Variants in KIAA2012 observed in about 807,000 individuals in gnomAD.
KIAA2012 encodes KIAA2012.
In KIAA2012, 125 loss-of-function variants were observed where a neutral mutation model predicts 150.6. That is an observed-to-expected ratio of 0.83 (90% CI 0.72 to 0.96). The LOEUF (loss-of-function observed/expected upper bound fraction) is 0.96, where lower values mean the gene tolerates loss of function less well. Among genes scored for constraint, KIAA2012 ranks in the 40% least tolerant of loss-of-function variants. KIAA2012 has a pLI of 0.00. For synonymous variants in KIAA2012, 462 were observed against 504.7 expected (o/e 0.92, Z 1.13); for missense variants, 1,219 against 1,354.9 (o/e 0.90, Z 1.57).
intron 2 of KIAA2012, among the ~76,000 whole-genome samples, chr2:202,088,155 C>T (rs570778582): frequency 1.3e-5 from 2 of 152,196 alleles, no homozygotes; most frequent in Admixed American, 1.3e-4. Context: ...GGGACTTGAG[C>T]ATACACAGAT....
intron 10 of KIAA2012, 58 bp from the exon 11 acceptor site, chr2:202,113,278 G>T (rs1690423885): frequency 7.3e-7 from 1 of 1,371,326 alleles, no homozygotes; most frequent in Admixed American, 2.0e-5. Context: ...CCCAGGTTTG[G>T]TCTGTCTCCC....
intron 13 of KIAA2012, among the ~76,000 whole-genome samples, chr2:202,153,050 T>C (rs1366579911): frequency 6.6e-6 from 1 of 152,242 alleles, no homozygotes; most frequent in Non-Finnish European, 1.5e-5. Context: ...TAGAGGACTG[T>C]CTTCTGGAAG....
intron 22 of KIAA2012, chr2:202,202,030 G>C: frequency 3.5e-6 from 2 of 575,764 alleles, no homozygotes; most frequent in South Asian, 4.3e-5. Context: ...CGCAGTTTTT[G>C]TATTTTTAGT....
chr2:202,145,513 T>C (rs138805168), intron 13 of KIAA2012, among the ~76,000 whole-genome samples: 167 of 152,306 alleles, frequency 1.1e-3, no homozygotes, highest in Admixed American at 2.6e-3. Context: ...TCTGTATTAA[T>C]CGATGTCTTG....
At chr2:202,125,093 T>G in intron 11 of KIAA2012, 121 bp from the exon 12 acceptor site, 1 of 777,166 alleles carries the variant, frequency 1.3e-6, no homozygotes, top group Non-Finnish European at 2.1e-6. Context: ...AAAGAAACAG[T>G]TCATTGCAAA....
intron 15 of KIAA2012, among the ~76,000 whole-genome samples, chr2:202,173,127 A>G (rs1045429400): frequency 1.3e-5 from 2 of 152,238 alleles, no homozygotes; most frequent in African/African-American, 2.4e-5. Flanking sequence ...TCCCCCGGGA[A>G]GTCCCCCAGA....
chr2:202,201,453 G>A lies in KIAA2012; in HGVS notation c.3408-976G>A, dbSNP rs1692524480. The stretch of plus-strand genomic sequence containing the variant: ...CTTCCACTGAGTTACGAGGACATTG[G>A]CTGCCTGCATGACTGCAAGCTGAGC... On this transcript the variant is annotated intron_variant, in intron 22 of 23. Coordinates refer to ENST00000498697, the MANE Select transcript of KIAA2012 (RefSeq NM_001277372.4). The A allele has an allele frequency of 6.3e-6, 10 of 1,593,712 alleles. No homozygotes were observed. In the Admixed American group the frequency reaches 6.7e-5, roughly 11 times the overall value.
rs1015044998 is a variant in KIAA2012 at position 202,100,184 on chromosome 2, C to G, written c.1013-123C>G. The G allele has an allele frequency of 6.6e-6, 7 of 1,054,566 alleles. No individual in the cohort carries two copies. The Admixed American group carries it at 1.3e-4, about 19-fold the overall frequency. The allele number at this position is 1,054,566 out of a possible 1,614,324, so 65.3% of individuals were successfully genotyped here. A position where few individuals can be genotyped will look rare whatever the true frequency, so the allele number is the denominator to read the frequency against. ...TGCCTCCCCCAAAGCTAGGGCTGTC[C>G]CAGTGCCCCAGCACACTGCCTGCCT... is the stretch of plus-strand genomic sequence containing the variant. On this transcript the variant is annotated intron_variant, in intron 6 of 23. Transcript: ENST00000498697.
chr2:202,139,868 C>T (rs13419206), intron 13 of KIAA2012, among the ~76,000 whole-genome samples: 1,909 of 152,246 alleles, frequency 0.013, 35 homozygotes, highest in African/African-American at 0.042. Context: ...CCTCACATAC[C>T]CTAAACACAC....
At chr2:202,178,067 C>T (rs905140574) in intron 15 of KIAA2012, among the ~76,000 whole-genome samples, 13 of 152,076 alleles carry the variant, frequency 8.5e-5, no homozygotes, top group Non-Finnish European at 1.8e-4. Flanking sequence ...AGCATGGTGG[C>T]GTACACCTGT....
chr2:202,086,391 G>A (rs546464868), intron 2 of KIAA2012, among the ~76,000 whole-genome samples: 1 of 152,174 alleles, frequency 6.6e-6, no homozygotes, highest in African/African-American at 2.4e-5. Context: ...AAGGCCTCTC[G>A]TCTAAAGGCT....
chr2:202,096,092 C>T (rs1689875095), intron 4 of KIAA2012, among the ~76,000 whole-genome samples: 1 of 151,854 alleles, frequency 6.6e-6, no homozygotes, highest in Admixed American at 6.6e-5. Context: ...CCCCGCACCC[C>T]CCACCCAAAA....
chr2:202,097,718 T>C (rs1271046963), intron 5 of KIAA2012, 141 bp downstream of exon 5: 17 of 950,680 alleles, frequency 1.8e-5, no homozygotes, highest in Non-Finnish European at 2.6e-5. Context: ...GCCTCCTGAA[T>C]AGCTGGGACT....
At position 202,194,284 on chromosome 2, in the gene KIAA2012, C is replaced by T. The variant is rs1047830317; in HGVS notation, c.3109C>T (p.Arg1037Trp). 34 of 1,550,376 alleles carry T rather than the reference C, an allele frequency of 2.2e-5. No homozygotes were observed. Among genetic ancestry groups the T allele is most frequent in the Non-Finnish European group, 2.6e-5 (30 of 1,147,004 alleles). Reference protein sequence around the residue: ...LRLKAAQERARQQQEEFRRKL... With the variant: ...LRLKAAQERAWQQQEEFRRKL... ...GTTGAAAGCAGCCCAGGAGAGAGCC[C>T]GGCAACAGCAAGAGGAGTTTCGGAG... Residue 1037 changes from arginine (R) to tryptophan (W), a missense_variant, in exon 21 of 24, where the codon CGG becomes TGG. By Grantham distance (101) the Arg-to-Trp change is moderately radical. Coordinates refer to ENST00000498697, the MANE Select transcript of KIAA2012 (RefSeq NM_001277372.4).
At chr2:202,193,603 A>G in intron 20 of KIAA2012, 100 bp downstream of exon 20, 4 of 1,216,956 alleles carry the variant, frequency 3.3e-6, no homozygotes, top group Non-Finnish European at 4.6e-6. Flanking sequence ...TCTGAGGCTC[A>G]TGCCCTGAAG....
chr2:202,103,125 G>T lies in KIAA2012; in HGVS notation c.1324+11G>T. 3 of 1,549,864 alleles carry T rather than the reference G, an allele frequency of 1.9e-6. No individual in the cohort carries two copies. The highest frequency in any genetic ancestry group is 2.6e-6 in the Non-Finnish European group (3 of 1,146,908). ...AAGCCCACAGAAGAGGTAGGTCCCG[G>T]GTGCATGGGCACTCCTGAGGGAGAG... On this transcript the variant is annotated intron_variant, in intron 8 of 23. Transcript: ENST00000498697.
At chr2:202,158,308 A>G (rs1199377319) in intron 14 of KIAA2012, among the ~76,000 whole-genome samples, 1 of 150,996 alleles carries the variant, frequency 6.6e-6, no homozygotes, top group Non-Finnish European at 1.5e-5. Context: ...CAGCCAACAT[A>G]TATTAAATAT....
intron 14 of KIAA2012, among the ~76,000 whole-genome samples, chr2:202,160,257 T>C (rs1203579517): frequency 6.6e-6 from 1 of 152,042 alleles, no homozygotes; most frequent in East Asian, 1.9e-4. Context: ...TTTGATATTA[T>C]ATATTAATCT....
Position 202,075,186 on chromosome 2 carries a change from C to T in KIAA2012, c.369+11C>T, listed in dbSNP as rs775018915. 22 of 1,533,832 alleles carry T rather than the reference C, an allele frequency of 1.4e-5. No homozygotes were observed. In the Admixed American group the frequency reaches 1.5e-4, roughly 10 times the overall value. ...TATGGAAGGCAGCAGGTAGGCAGAA[C>T]GCTCCCTTGGGTTTGGGGAAGGTGC... On this transcript the variant is annotated intron_variant, in intron 2 of 23. Coordinates refer to ENST00000498697, the MANE Select transcript of KIAA2012 (RefSeq NM_001277372.4).
Sources: allele counts gnomAD v4.1 joint callset (sites outside exome capture counted in the v4.1 genomes callset), GRCh38; gene constraint gnomAD v4.1.1; transcripts MANE v1.5; gene names NCBI Gene and HGNC (gene_info 2026-07-23, HGNC 2026-07-21).